The following C8orf34 variants were observed in gnomAD, a reference collection of about 807,000 sequenced individuals.
C8orf34 encodes the protein uncharacterized protein C8orf34.
A neutral mutation model predicts 68.3 loss-of-function variants in C8orf34; 65 were observed. That is an observed-to-expected ratio of 0.95 (90% CI 0.78 to 1.17). The LOEUF is 1.17. Ranked by LOEUF, C8orf34 falls within the 50% of genes most tolerant of loss-of-function variation. The pLI is 0.00. For synonymous variants in C8orf34, 244 were observed against 241.2 expected, an observed-to-expected ratio of 1.01 and a Z score of -0.11; for missense variants, 664 against 655.4, an observed-to-expected ratio of 1.01 and a Z score of -0.14.
intron 8 of C8orf34, among the ~76,000 whole-genome samples, chr8:68,666,408 A>G (rs1223833514): frequency 1.3e-5 from 2 of 152,338 alleles, no homozygotes; most frequent in African/African-American, 4.8e-5. Flanking sequence ...GGAGTGGACA[A>G]CCTAAGTAGA....
At chr8:68,691,713 G>T (rs541869406) in intron 8 of C8orf34, among the ~76,000 whole-genome samples, 1 of 151,820 alleles carries the variant, frequency 6.6e-6, no homozygotes, top group Non-Finnish European at 1.5e-5. Flanking sequence ...TTCTATTTAG[G>T]TTTGTCCTCA....
At chr8:68,666,816 C>T (rs7812576) in intron 8 of C8orf34, among the ~76,000 whole-genome samples, 32,981 of 152,102 alleles carry the variant, frequency 0.22, 3,864 homozygotes, top group Middle Eastern at 0.35. Flanking sequence ...TTTAAAAGCA[C>T]AAGTGCCCTT....
chr8:68,639,915 A>G (rs1157285383), intron 7 of C8orf34, among the ~76,000 whole-genome samples: 1 of 152,154 alleles, frequency 6.6e-6, no homozygotes, highest in African/African-American at 2.4e-5. Context: ...CTGGAAGCAG[A>G]CTCGTTAGAA....
chr8:68,519,635 A>T (rs552675598), intron 5 of C8orf34, among the ~76,000 whole-genome samples: 101 of 152,210 alleles, frequency 6.6e-4, no homozygotes, highest in African/African-American at 2.4e-3. Context: ...GTTGTTTATG[A>T]TTATTGATTT....
chr8:68,443,578 T>G (rs1811000638), intron 2 of C8orf34, among the ~76,000 whole-genome samples: 1 of 151,876 alleles, frequency 6.6e-6, no homozygotes, highest in African/African-American at 2.4e-5. Context: ...TTTTTTTTTT[T>G]TGTATTTTTA....
chr8:68,631,567 T>C (rs1818691053), intron 7 of C8orf34, among the ~76,000 whole-genome samples: 1 of 152,206 alleles, frequency 6.6e-6, no homozygotes, highest in South Asian at 2.1e-4. Context: ...GGCTACATCA[T>C]ATTAGATGCA....
intron 4 of C8orf34, among the ~76,000 whole-genome samples, chr8:68,482,149 G>A (rs1346835245): frequency 6.6e-6 from 1 of 152,212 alleles, no homozygotes; most frequent in African/African-American, 2.4e-5. Context: ...AGTCTCATGA[G>A]ATCTAATAGG....
chr8:68,609,142 C>T (rs187106950), intron 7 of C8orf34, among the ~76,000 whole-genome samples: 2 of 151,928 alleles, frequency 1.3e-5, no homozygotes, highest in East Asian at 3.9e-4. Context: ...CCACTGAACT[C>T]CAGCCTGGAT....
chr8:68,679,286 A>AAAAAC (rs775000746), intron 8 of C8orf34, among the ~76,000 whole-genome samples: 5 of 152,054 alleles, frequency 3.3e-5, no homozygotes, highest in Admixed American at 6.6e-5. Context: ...GACTTTGTCT[A>AAAAAC]AAAACAAAAC....
chr8:68,344,785 TGAAAAATCTAAG>T (rs1302363533), intron 1 of C8orf34, among the ~76,000 whole-genome samples: 1 of 152,088 alleles, frequency 6.6e-6, no homozygotes, highest in African/African-American at 2.4e-5. Flanking sequence ...GATAAAGAAG[TGAAAAATCTAAG>T]AGCAAAATAT....
intron 1 of C8orf34, among the ~76,000 whole-genome samples, chr8:68,350,589 A>G (rs1423947592): frequency 3.3e-5 from 5 of 151,904 alleles, no homozygotes; most frequent in Admixed American, 3.3e-4. Context: ...GGTCTCTAAG[A>G]ACTTGCTTTA....
intron 12 of C8orf34, among the ~76,000 whole-genome samples, chr8:68,798,920 C>T (rs1237864463): frequency 1.3e-5 from 2 of 152,132 alleles, no homozygotes; most frequent in Non-Finnish European, 2.9e-5. Flanking sequence ...AAAAATGTGT[C>T]AAGTTGCTCA....
intron 7 of C8orf34, among the ~76,000 whole-genome samples, chr8:68,553,342 G>A (rs1046325992): frequency 4.2e-4 from 55 of 131,686 alleles, no homozygotes; most frequent in African/African-American, 1.1e-3. Context: ...CTGAGATGGA[G>A]CCACTGCACT....
chr8:68,619,048 G>A (rs1000784878), intron 7 of C8orf34, among the ~76,000 whole-genome samples: 3 of 152,054 alleles, frequency 2.0e-5, no homozygotes, highest in Non-Finnish European at 4.4e-5. Context: ...GAGAGGTTGG[G>A]CTGGGCACTG....
intron 8 of C8orf34, among the ~76,000 whole-genome samples, chr8:68,684,796 TA>T (rs1019541408): frequency 7.9e-5 from 12 of 151,104 alleles, no homozygotes; most frequent in Admixed American, 2.6e-4. Context: ...AAAAAAAAAA[TA>T]TTTTTTTTAA....
chr8:68,350,507 A>T (rs1396462367), intron 1 of C8orf34, among the ~76,000 whole-genome samples: 2 of 151,940 alleles, frequency 1.3e-5, no homozygotes, highest in African/African-American at 2.4e-5. Context: ...TACCTTCATG[A>T]TCTGTCTAAT....
chr8:68,578,101 A>G lies in C8orf34; in HGVS notation c.1105+44952A>G, dbSNP rs115881077. On this transcript the variant is annotated intron_variant, in intron 7 of 13. Transcript: ENST00000518698. ...TAAAAAAATAAAGGAAGGAAGAAGG[A>G]AAGGAACGAAGCGAGAGAAGGAAAG... 7.2e-3 allele frequency among the ~76,000 whole-genome samples: 1,102 copies of G among 152,142 alleles called. 17 individuals are homozygous for G. The highest frequency in any genetic ancestry group is 0.025 in the African/African-American group (1,047 of 41,550).
At chr8:68,487,934 AC>A in intron 4 of C8orf34, 88 bp from the exon 5 acceptor site, 1 of 818,896 alleles carries the variant, frequency 1.2e-6, no homozygotes, top group South Asian at 1.6e-5. Flanking sequence ...GAAATGCACT[AC>A]TTTTACAAAT....
At chr8:68,334,586 C>G (rs927525746) in intron 1 of C8orf34, among the ~76,000 whole-genome samples, 6 of 152,042 alleles carry the variant, frequency 3.9e-5, no homozygotes, top group African/African-American at 1.4e-4. Flanking sequence ...GGCCTGATCA[C>G]ACTCACAAGA....
Sources: gnomAD v4.1 joint callset for allele counts (sites outside exome capture counted in the v4.1 genomes callset) on GRCh38, gnomAD v4.1.1 for gene constraint, MANE v1.5 for transcripts, NCBI Gene and HGNC (gene_info 2026-07-23, HGNC 2026-07-21) for gene names.